The following RANBP2 variants were observed in gnomAD, a reference collection of about 807,000 sequenced individuals.
RANBP2 encodes E3 SUMO-protein ligase RanBP2.
A neutral mutation model predicts 303.6 loss-of-function variants in RANBP2; 57 were observed. The observed-to-expected ratio is 0.19, with a 90% confidence interval of 0.15 to 0.23. RANBP2 has a LOEUF of 0.23. Ranked by LOEUF, RANBP2 falls within the 10% of genes least tolerant of loss-of-function variation. The pLI, the probability that RANBP2 is intolerant of heterozygous loss-of-function variation, is 1.00. For synonymous variants in RANBP2, 1,167 were observed against 1,301.5 expected, an observed-to-expected ratio of 0.90 and a Z score of 2.23; for missense variants, 3,138 against 3,780.8, an observed-to-expected ratio of 0.83 and a Z score of 4.46.
the RANBP2 span, among the ~76,000 whole-genome samples, chr2:108,939,165 A>G: frequency 1.4e-4 from 22 of 151,762 alleles, no homozygotes; most frequent in Admixed American, 1.2e-3. Flanking sequence ...TACACATGCC[A>G]CTCATCCTTC....
chr2:109,582,784 A>G, the RANBP2 span, among the ~76,000 whole-genome samples: 1 of 152,370 alleles, frequency 6.6e-6, no homozygotes, highest in Non-Finnish European at 1.5e-5. Flanking sequence ...ACTATACTAT[A>G]AGGCTACAGT....
chr2:109,347,776 A>C, the RANBP2 span: 1 of 1,613,990 alleles, frequency 6.2e-7, no homozygotes. Context: ...CCTGCGGCGC[A>C]AGGTGGATGA....
chr2:109,702,392 G>A, the RANBP2 span, among the ~76,000 whole-genome samples: 1 of 152,210 alleles, frequency 6.6e-6, no homozygotes, highest in Non-Finnish European at 1.5e-5. Flanking sequence ...AGTGGCTCAT[G>A]CTTAGTCACT....
At chr2:108,770,135 T>C (rs12996023) in intron 20 of RANBP2, among the ~76,000 whole-genome samples, 1 of 152,252 alleles carries the variant, frequency 6.6e-6, no homozygotes, top group Non-Finnish European at 1.5e-5. Context: ...TGTGCCTATA[T>C]ACTACTGTAG....
At chr2:109,614,302 G>A in the RANBP2 span, 1 of 605,596 alleles carries the variant, frequency 1.7e-6, no homozygotes, top group Non-Finnish European at 2.3e-6. Context: ...CGGGGCGGGG[G>A]TGCGGGGGGC....
chr2:109,412,148 C>T, the RANBP2 span, among the ~76,000 whole-genome samples: 3 of 152,234 alleles, frequency 2.0e-5, no homozygotes, highest in African/African-American at 7.2e-5. Flanking sequence ...GGTGAGCCTT[C>T]GGCCGCCGTG....
chr2:108,807,491 C>T, the RANBP2 span, among the ~76,000 whole-genome samples: 1 of 152,144 alleles, frequency 6.6e-6, no homozygotes, highest in Non-Finnish European at 1.5e-5. Flanking sequence ...CATTTATCAT[C>T]TCTTTGTATT....
the RANBP2 span, among the ~76,000 whole-genome samples, chr2:109,015,114 A>C: frequency 1.1e-5 from 1 of 94,928 alleles, no homozygotes; most frequent in Non-Finnish European, 2.0e-5. Flanking sequence ...GCGAGACTCC[A>C]TCTCAAAAAA....
At chr2:109,146,526 T>C in the RANBP2 span, among the ~76,000 whole-genome samples, 1 of 152,122 alleles carries the variant, frequency 6.6e-6, no homozygotes, top group East Asian at 1.9e-4. Context: ...TTCCTAGCAC[T>C]TTCTTGTTTC....
chr2:108,729,691 A>C (rs1462977540), intron 2 of RANBP2, among the ~76,000 whole-genome samples: 1 of 151,828 alleles, frequency 6.6e-6, no homozygotes, highest in Non-Finnish European at 1.5e-5. Context: ...GAGTGGATTA[A>C]AGCAGGAAAT....
the RANBP2 span, among the ~76,000 whole-genome samples, chr2:109,519,328 C>T: frequency 1.3e-5 from 2 of 152,202 alleles, no homozygotes; most frequent in Non-Finnish European, 2.9e-5. Context: ...GATCCAATCA[C>T]CTCCCACCAG....
At chr2:109,015,118 C>CAAA in the RANBP2 span, among the ~76,000 whole-genome samples, 97 of 68,808 alleles carry the variant, frequency 1.4e-3, 6 homozygotes, top group East Asian at 2.6e-3. Flanking sequence ...GACTCCATCT[C>CAAA]AAAAAAAAAA....
the RANBP2 span, among the ~76,000 whole-genome samples, chr2:109,146,525 CT>C: frequency 6.6e-6 from 1 of 152,132 alleles, no homozygotes. Context: ...CTTCCTAGCA[CT>C]TTCTTGTTTC....
At chr2:109,333,255 C>T in the RANBP2 span, among the ~76,000 whole-genome samples, 12 of 152,222 alleles carry the variant, frequency 7.9e-5, no homozygotes, top group African/African-American at 2.9e-4. Context: ...AATTCAAGTT[C>T]AGGGTGATTA....
chr2:109,660,524 A>T, the RANBP2 span, among the ~76,000 whole-genome samples: 1 of 152,214 alleles, frequency 6.6e-6, no homozygotes. Context: ...CTCATAGTCA[A>T]GACCCTCCAC....
chr2:108,984,002 G>A, the RANBP2 span, among the ~76,000 whole-genome samples: 4 of 152,222 alleles, frequency 2.6e-5, no homozygotes, highest in African/African-American at 9.6e-5. Flanking sequence ...CGACGGCGAT[G>A]TCTGTTGCTA....
At chr2:109,075,236 T>C in the RANBP2 span, among the ~76,000 whole-genome samples, 1 of 150,096 alleles carries the variant, frequency 6.7e-6, no homozygotes, top group African/African-American at 2.4e-5. Context: ...GTTTGTTTGT[T>C]TGTTTGAGAT....
the RANBP2 span, among the ~76,000 whole-genome samples, chr2:109,023,388 A>G: frequency 6.6e-6 from 1 of 152,256 alleles, no homozygotes; most frequent in Non-Finnish European, 1.5e-5. Context: ...ATATATGTTC[A>G]TTGTAGAAAA....
intron 1 of RANBP2, among the ~76,000 whole-genome samples, chr2:108,720,582 A>G (rs1392855219): frequency 6.6e-6 from 1 of 152,188 alleles, no homozygotes; most frequent in East Asian, 1.9e-4. Flanking sequence ...TTGAATAATC[A>G]CAGCACTGTC....
Sources: gnomAD v4.1 joint callset for allele counts (sites outside exome capture counted in the v4.1 genomes callset) on GRCh38, gnomAD v4.1.1 for gene constraint, MANE v1.5 for transcripts, NCBI Gene and HGNC (gene_info 2026-07-23, HGNC 2026-07-21) for gene names.